Variants in MTOR observed in about 807,000 individuals in gnomAD.
MTOR encodes the protein mechanistic target of rapamycin kinase.
In MTOR, 70 loss-of-function variants were observed where a neutral mutation model predicts 319.8. That is an observed-to-expected ratio of 0.22 (90% CI 0.18 to 0.27). The LOEUF (loss-of-function observed/expected upper bound fraction) is 0.27. MTOR is among the 10% of genes least tolerant of loss of function. The pLI is 1.00. For missense variants in MTOR, 1,890 were observed against 3,274.4 expected, an observed-to-expected ratio of 0.58 and a Z score of 10.32; for synonymous variants, 1,183 against 1,211.4, an observed-to-expected ratio of 0.98 and a Z score of 0.49.
At chr1:11,189,098 C>T (rs1044543184) in intron 28 of MTOR, among the ~76,000 whole-genome samples, 5 of 152,136 alleles carry the variant, frequency 3.3e-5, no homozygotes, top group South Asian at 2.1e-4. Context: ...CTGGCAGGGG[C>T]ATAATCTAAT....
chr1:11,240,357 C>T lies in MTOR; in HGVS notation c.1732G>A (p.Asp578Asn), dbSNP rs760445750. The T allele has an allele frequency of 4.3e-6, 7 of 1,611,228 alleles. No homozygotes were observed. The highest frequency in any genetic ancestry group is 1.1e-5 in the South Asian group (1 of 90,860). The change falls in exon 11 of 58, where the codon GAT (aspartate) becomes AAT (asparagine). Residue 578 changes from aspartate (D) to asparagine (N), a missense_variant. This residue lies in a region of MTOR where 418 missense variants were observed against 543.1 expected (regional missense o/e 0.77). Transcript: ENST00000361445. ...PGLTTLPEAS[D>N]VGSITLALRT... ...AGGGCAAGAGTGATGCTGCCCACAT[C>T]GCTGGCCTCAGGGAGGGTCGTGAGG...
intron 26 of MTOR, among the ~76,000 whole-genome samples, chr1:11,200,808 G>A (rs1242349756): frequency 1.3e-5 from 2 of 152,072 alleles, no homozygotes; most frequent in Non-Finnish European, 2.9e-5. Flanking sequence ...AAGGTCAGGA[G>A]ATCGAGACCA....
rs1371941343 is a variant in MTOR, at chr1:11,194,496, C to A, written c.4253+4762G>T. 3.7e-6 allele frequency: 6 copies of A among 1,614,170 alleles called. No homozygotes were observed. The East Asian group carries it at 1.1e-4, about 30-fold the overall frequency. Reference sequence around the variant, plus strand: ...GCAACCTGCGCTACGCTGAGTATAGCCACTTTGTTTTGGGCAATGAACTCA... The same window carrying A: ...GCAACCTGCGCTACGCTGAGTATAGACACTTTGTTTTGGGCAATGAACTCA... On this transcript the variant is annotated intron_variant, in intron 28 of 57. Transcript: ENST00000361445.
rs549596251 is a variant in MTOR at position 11,242,297 on chromosome 1, G to A, written c.1413-616C>T. On this transcript the variant is annotated intron_variant, in intron 9 of 57. Coordinates refer to ENST00000361445, the MANE Select transcript of MTOR (RefSeq NM_004958.4). ...GTGGATCACTTGAGGCCAGGAGTTC[G>A]AGACCAGCCCGGCCAAAATGGTGAA... Among the ~76,000 whole-genome samples the A allele has an allele frequency of 9.2e-5, 14 of 152,160 alleles. No individual in the cohort carries two copies. In the South Asian group the frequency reaches 1.0e-3, roughly 11 times the overall value.
At chr1:11,228,979 G>C (rs2100857891) in intron 18 of MTOR, 61 bp from the exon 19 acceptor site, 1 of 1,587,306 alleles carries the variant, frequency 6.3e-7, no homozygotes, top group Admixed American at 1.7e-5. Context: ...TTCAGGCAGA[G>C]CATGGTTAGT....
intron 49 of MTOR, among the ~76,000 whole-genome samples, chr1:11,119,694 C>T (rs1428866727): frequency 2.7e-5 from 4 of 148,956 alleles, no homozygotes; most frequent in Admixed American, 1.3e-4. Flanking sequence ...TGTAGTGAGC[C>T]GAGATCGTGC....
intron 30 of MTOR, among the ~76,000 whole-genome samples, chr1:11,151,676 A>G (rs17036418): frequency 0.059 from 8,988 of 152,254 alleles, 374 homozygotes; most frequent in South Asian, 0.12. Context: ...CACTGGCTTA[A>G]AGCAGAGGCA....
chr1:11,259,835 C>T (rs995135417), intron 1 of MTOR, among the ~76,000 whole-genome samples: 1 of 152,116 alleles, frequency 6.6e-6, no homozygotes, highest in Non-Finnish European at 1.5e-5. Context: ...GAGGCTGAGG[C>T]AGGAGAATCC....
rs1208301700 is a variant in MTOR at position 11,146,691 on chromosome 1, G to A, written c.4671C>T (p.Phe1557=). The A allele has an allele frequency of 6.2e-7, 1 of 1,614,068 alleles. No homozygotes were observed. The part of the protein sequence containing the change: ...RAVLALHQDL[F]SLAQQCIDKA... The stretch of plus-strand genomic sequence containing the variant: ...AGGTTTTTACCTGTTGTGCCAAGGA[G>A]AAGAGGTCCTGATGCAGTGCCAGCA... Residue 1557 remains phenylalanine, a synonymous_variant, in exon 32 of 58, where the codon TTC becomes TTT. Coordinates refer to ENST00000361445, the MANE Select transcript of MTOR (RefSeq NM_004958.4).
rs1464800208 is a variant in MTOR, at chr1:11,210,835, C to T, written c.3633G>A (p.Val1211=). Residue 1211 remains valine (V), a synonymous_variant, in exon 24 of 58, where the codon GTG becomes GTA. Coordinates refer to ENST00000361445, the MANE Select transcript of MTOR (RefSeq NM_004958.4). ...RHRINHQRYD[V]LICRIVKGYT... is the part of the protein sequence containing the mutation. Reference sequence around the variant, plus strand: ...TCACCTTGACAATTCTGCAGATGAGCACATCATAGCGCTGATGATTGATTC... The same window carrying T: ...TCACCTTGACAATTCTGCAGATGAGTACATCATAGCGCTGATGATTGATTC... The T allele has an allele frequency of 6.2e-7, 1 of 1,612,190 alleles. No homozygotes were observed. Among genetic ancestry groups the T allele is most frequent in the East Asian group, 2.2e-5 (1 of 44,846 alleles).
In MTOR at chr1:11,163,951, G is replaced by A. The variant is rs557014662; in HGVS notation, c.4329+3491C>T. On this transcript the variant is annotated intron_variant, in intron 29 of 57. Transcript: ENST00000361445. Reference sequence around the variant, plus strand: ...CTAAGATCAGAGCAGAACTGAAGGAGACAGAGACACAAAAAACCCTTCAAA... The same window carrying A: ...CTAAGATCAGAGCAGAACTGAAGGAAACAGAGACACAAAAAACCCTTCAAA... 3.9e-5 allele frequency among the ~76,000 whole-genome samples: 6 copies of A among 152,264 alleles called. No homozygotes were observed. In the East Asian group the frequency reaches 1.2e-3, roughly 29 times the overall value.
intron 28 of MTOR, among the ~76,000 whole-genome samples, chr1:11,181,035 A>G (rs962619691): frequency 6.6e-6 from 1 of 152,150 alleles, no homozygotes; most frequent in Non-Finnish European, 1.5e-5. Flanking sequence ...TTGGCCTCCC[A>G]AAGTGCTGGG....
rs929536975 is a variant in MTOR, at chr1:11,231,561, G to C, written c.2515-127C>G. On this transcript the variant is annotated intron_variant, in intron 16 of 57. Coordinates refer to ENST00000361445, the MANE Select transcript of MTOR (RefSeq NM_004958.4). ...AAGAAGAAAAGAGGTTTCCAGTAAA[G>C]ACACTAACCATGAGCAGAAATCCCA... The C allele has an allele frequency of 6.0e-6, 7 of 1,173,308 alleles. No individual in the cohort carries two copies. The Admixed American group carries it at 8.4e-5, about 14-fold the overall frequency. The allele number at this position is 1,173,308 out of a possible 1,614,324, so 72.7% of individuals were successfully genotyped here. A position where few individuals can be genotyped will look rare whatever the true frequency, so the allele number is the denominator to read the frequency against.
Position 11,256,014 on chromosome 1 carries a change from A to G in MTOR, c.683T>C (p.Met228Thr). The G allele has an allele frequency of 1.9e-6, 3 of 1,614,160 alleles. No individual in the cohort carries two copies. The highest frequency in any genetic ancestry group is 2.5e-6 in the Non-Finnish European group (3 of 1,180,040). Residue 228 changes from methionine to threonine, a missense_variant, in exon 5 of 58, where the codon ATG becomes ACG. By Grantham distance (81) the Met-to-Thr change is moderately conservative. Transcript: ENST00000361445. The stretch of plus-strand genomic sequence containing the variant: ...TACCCTGTACCACTGAGGCTTCTGC[A>G]TCTCCTTCGGCTCACGCTGGGTTGT... ...ILTTQREPKE[M>T]QKPQWYRHTF...
At chr1:11,174,162 G>A (rs1571069265) in intron 28 of MTOR, among the ~76,000 whole-genome samples, 1 of 151,768 alleles carries the variant, frequency 6.6e-6, no homozygotes, top group East Asian at 1.9e-4. Context: ...AGAGAAAAAA[G>A]TATCTTAAGT....
chr1:11,172,557 C>CAAA (rs767483973), intron 28 of MTOR, among the ~76,000 whole-genome samples: 20 of 56,294 alleles, frequency 3.6e-4, no homozygotes, highest in Admixed American at 1.4e-3. Flanking sequence ...GACTCTGTCT[C>CAAA]AAAAAAAAAA....
chr1:11,235,262 G>A (rs1001872872), intron 13 of MTOR, among the ~76,000 whole-genome samples: 1 of 152,162 alleles, frequency 6.6e-6, no homozygotes, highest in African/African-American at 2.4e-5. Context: ...CTTAGAGCCC[G>A]AGAGCCTCAC....
At position 11,144,628 on chromosome 1, in the gene MTOR, G is replaced by C. The variant is rs369462108; in HGVS notation, c.4872+20C>G. 106 of 1,611,900 alleles carry C rather than the reference G, an allele frequency of 6.6e-5. No individual in the cohort carries two copies. The highest frequency in any genetic ancestry group is 8.1e-5 in the Non-Finnish European group (96 of 1,178,262). ...GGGGTAGGGGTAGGTGGGTGAACTG[G>C]GGCTTTCTACCAAGCTCACCTGCAG... On this transcript the variant is annotated intron_variant, in intron 34 of 57. Transcript: ENST00000361445.
At chr1:11,153,495 A>C (rs1644217283) in intron 30 of MTOR, among the ~76,000 whole-genome samples, 1 of 152,248 alleles carries the variant, frequency 6.6e-6, no homozygotes, top group South Asian at 2.1e-4. Context: ...GTTGAATTTT[A>C]AGAACACTTC....
Sources: allele counts gnomAD v4.1 joint callset (sites outside exome capture counted in the v4.1 genomes callset), GRCh38; gene constraint gnomAD v4.1.1; regional missense constraint gnomAD v4.1.1; transcripts MANE v1.5; gene names NCBI Gene and HGNC (gene_info 2026-07-23, HGNC 2026-07-21).